The following HIBCH variants were observed in gnomAD, a reference collection of about 807,000 sequenced individuals.
The protein encoded by HIBCH is 3-hydroxyisobutyryl-CoA hydrolase, also known as 3-hydroxyisobutyryl-CoA hydrolase, mitochondrial.
Under a neutral mutation model 58.2 loss-of-function variants are expected in HIBCH, and 50 were observed. The ratio of observed to expected loss-of-function variants is 0.86; its 90% CI spans 0.68 to 1.09. The LOEUF (loss-of-function observed/expected upper bound fraction) is 1.09. Among genes scored for constraint, HIBCH ranks in the 50% least tolerant of loss-of-function variants. The pLI is 0.00. For missense variants in HIBCH, 450 were observed against 449.7 expected (o/e 1.00, Z -0.01); for synonymous variants, 151 against 146.9 (o/e 1.03, Z -0.20).
chr2:190,301,858 C>T (rs1038133163), intron 2 of HIBCH, among the ~76,000 whole-genome samples: 1 of 152,184 alleles, frequency 6.6e-6, no homozygotes, highest in African/African-American at 2.4e-5. Flanking sequence ...TGACTCCCTT[C>T]AACCTCTTTT....
intron 6 of HIBCH, among the ~76,000 whole-genome samples, chr2:190,272,922 A>T (rs1687442900): frequency 6.6e-6 from 1 of 152,202 alleles, no homozygotes; most frequent in South Asian, 2.1e-4. Context: ...AGTAAAATAC[A>T]ATTAAACAGA....
intron 11 of HIBCH, among the ~76,000 whole-genome samples, chr2:190,231,956 G>A (rs904999302): frequency 2.6e-5 from 4 of 152,166 alleles, no homozygotes; most frequent in Admixed American, 6.5e-5. Context: ...AACACTTTGG[G>A]AGGCCAAGGT....
At chr2:190,250,428 T>C (rs1162286091) in intron 8 of HIBCH, 3 of 465,466 alleles carry the variant, frequency 6.4e-6, no homozygotes, top group Non-Finnish European at 1.3e-5. Context: ...TTGTACCCAC[T>C]TCTAATCGCA....
chr2:190,313,286 T>C (rs72917418), intron 1 of HIBCH, among the ~76,000 whole-genome samples: 14,589 of 152,164 alleles, frequency 0.096, 824 homozygotes, highest in Middle Eastern at 0.15. Context: ...AACTTCTTTG[T>C]TCTTCCCTAC....
intron 9 of HIBCH, among the ~76,000 whole-genome samples, chr2:190,248,150 T>C (rs1474624960): frequency 1.3e-5 from 2 of 152,234 alleles, no homozygotes; most frequent in Admixed American, 6.5e-5. Context: ...ATTAACTGTT[T>C]CCTTCCAGTG....
chr2:190,261,357 G>T, intron 6 of HIBCH, 123 bp from the exon 7 acceptor site: 1 of 715,942 alleles, frequency 1.4e-6, no homozygotes, highest in Non-Finnish European at 2.5e-6. Context: ...ACAGGAACTT[G>T]CTTCAGGGAA....
intron 11 of HIBCH, among the ~76,000 whole-genome samples, chr2:190,224,159 A>G (rs2105912738): frequency 6.6e-6 from 1 of 152,360 alleles, no homozygotes; most frequent in African/African-American, 2.4e-5. Context: ...ACTCACTGCT[A>G]GCACAGCAGT....
intron 4 of HIBCH, among the ~76,000 whole-genome samples, chr2:190,294,016 T>TTG (rs374416471): frequency 0.021 from 1,729 of 82,882 alleles, 23 homozygotes; most frequent in Middle Eastern, 0.073. Context: ...AATATATATT[T>TTG]TGTGTGTATA....
rs1445160147 is a variant in HIBCH at position 190,207,305 on chromosome 2, T to G, written c.1045+1575A>C. Among the ~76,000 whole-genome samples the G allele has an allele frequency of 1.3e-5, 2 of 152,206 alleles. No individual in the cohort carries two copies. The highest frequency in any genetic ancestry group is 6.5e-5 in the Admixed American group (1 of 15,268). On this transcript the variant is annotated intron_variant, in intron 13 of 13. Coordinates refer to ENST00000359678, the MANE Select transcript of HIBCH (RefSeq NM_014362.4). This position sits in a 1 kb window ranked among gnomAD's most constrained non-coding sequence, Gnocchi z 4.5. ...TGAATACTTTAACAATATAACCCTG[T>G]ATGCTTACAGGTCCTCTAAAATCAG...
At chr2:190,287,890 C>G (rs1022885767) in intron 5 of HIBCH, among the ~76,000 whole-genome samples, 7 of 152,140 alleles carry the variant, frequency 4.6e-5, no homozygotes, top group Non-Finnish European at 8.8e-5. Flanking sequence ...AGTGTGGTGG[C>G]TGACACCTGT....
At chr2:190,193,185 C>T (rs947497936) in intron 1 of HIBCH, among the ~76,000 whole-genome samples, 6 of 151,824 alleles carry the variant, frequency 4.0e-5, no homozygotes, top group African/African-American at 1.5e-4. Flanking sequence ...GGTATTTTAT[C>T]AAAATTTTTT....
intron 12 of HIBCH, among the ~76,000 whole-genome samples, chr2:190,212,195 T>C (rs1690529069): frequency 1.3e-5 from 2 of 152,196 alleles, no homozygotes; most frequent in Non-Finnish European, 2.9e-5. Flanking sequence ...CAGCTGCCAT[T>C]TACATCCCTC....
In HIBCH at chr2:190,197,533, GT is replaced by G. The variant is rs1333575614; in HGVS notation, c.*18-7537del. 6.6e-6 allele frequency among the ~76,000 whole-genome samples: 1 copy of G among 152,132 alleles called. No individual in the cohort carries two copies. Among genetic ancestry groups the G allele is most frequent in the Non-Finnish European group, 1.5e-5 (1 of 68,042 alleles). Reference sequence around the variant, plus strand: ...GAACTCTATCTTATAAATTCCAGCTGTTTTAGTAACCCTAACCTCTGTTGCA... The same window carrying G: ...GAACTCTATCTTATAAATTCCAGCTGTTTAGTAACCCTAACCTCTGTTGCA... On this transcript the variant is annotated intron_variant, in intron 1 of 1. Coordinates refer to the HIBCH transcript ENST00000399855. The surrounding 1 kb of genome is among the most constrained non-coding windows in gnomAD (Gnocchi z 4.0).
rs1688701746 is a variant in HIBCH at position 190,315,962 on chromosome 2, T to C, written c.35+3754A>G. On this transcript the variant is annotated intron_variant, in intron 1 of 13. Coordinates refer to ENST00000359678, the MANE Select transcript of HIBCH (RefSeq NM_014362.4). This position sits in a 1 kb window ranked among gnomAD's most constrained non-coding sequence, Gnocchi z 5.4. ...GTCAACAGAAGAAAGAGACTAGAGG[T>C]TGAAAGAAAAGTTAGAACTAAAGGT... Among the ~76,000 whole-genome samples, 1 of 151,986 alleles carries C rather than the reference T, an allele frequency of 6.6e-6. No homozygotes were observed. Among genetic ancestry groups the C allele is most frequent in the Admixed American group, 6.6e-5 (1 of 15,256 alleles).
At chr2:190,247,480 T>C (rs766361281) in intron 9 of HIBCH, among the ~76,000 whole-genome samples, 3 of 152,228 alleles carry the variant, frequency 2.0e-5, no homozygotes, top group Non-Finnish European at 4.4e-5. Context: ...CCTGCCAATC[T>C]GTACTCATGT....
intron 8 of HIBCH, chr2:190,251,433 C>A: frequency 2.8e-6 from 1 of 359,046 alleles, no homozygotes; most frequent in South Asian, 2.3e-5. Flanking sequence ...TGAACCAAAC[C>A]AGGTGAAGCA....
chr2:190,194,616 T>A (rs1261551329), intron 1 of HIBCH, among the ~76,000 whole-genome samples: 1 of 152,124 alleles, frequency 6.6e-6, no homozygotes, highest in Non-Finnish European at 1.5e-5. Context: ...TTGACAAATG[T>A]ATGACAGAAA....
Position 190,287,605 on chromosome 2 carries a change from T to G in HIBCH, c.419A>C (p.His140Pro). The change falls in exon 6 of 14, where the codon CAT becomes CCT. Residue 140 changes from histidine to proline, a missense_variant. Transcript: ENST00000359678. The part of the protein sequence containing the change: ...SCQKPYVALI[H>P]GITMGGGVGL... ...ACTTACCCCACCCATTGTAATTCCA[T>G]GAATAAGTGCAACATAAGGTTTCTG... 6.2e-7 allele frequency: 1 copy of G among 1,610,618 alleles called. No individual in the cohort carries two copies. The highest frequency in any genetic ancestry group is 1.7e-5 in the Admixed American group (1 of 60,000).
At position 190,193,145 on chromosome 2, in the gene HIBCH, T is replaced by C. The variant is rs900891535; in HGVS notation, c.*18-3148A>G. On this transcript the variant is annotated intron_variant, in intron 1 of 1. Coordinates refer to the HIBCH transcript ENST00000399855. ...CTTTTGAGGAAGGCCTTCCTATTAA[T>C]ACTTTGCTGGGATTTTAAAAATAAA... Among the ~76,000 whole-genome samples the C allele has an allele frequency of 3.3e-5, 5 of 152,150 alleles. No homozygotes were observed. In the East Asian group the frequency reaches 5.8e-4, roughly 18 times the overall value.
Sources: gnomAD v4.1 joint callset for allele counts (sites outside exome capture counted in the v4.1 genomes callset) on GRCh38, gnomAD v4.1.1 for gene constraint, Gnocchi (gnomAD v3.1) non-coding constraint, MANE v1.5 for transcripts, NCBI Gene and HGNC (gene_info 2026-07-23, HGNC 2026-07-21) for gene names.